SPEN: variants seen among roughly 807,000 people sequenced by gnomAD.
SPEN encodes msx2-interacting protein.
In SPEN, 18 loss-of-function variants were observed where a neutral mutation model predicts 269.9. The observed-to-expected ratio is 0.07, with a 90% confidence interval of 0.05 to 0.10. The LOEUF is 0.10. SPEN is among the 10% of genes least tolerant of loss of function. The probability of loss-of-function intolerance (pLI) is 1.00; values close to 1 mark genes in which losing one functional copy is unlikely to be tolerated. For synonymous variants in SPEN, 1,726 were observed against 1,765.7 expected, an observed-to-expected ratio of 0.98 and a Z score of 0.56; for missense variants, 3,822 against 4,631.2, an observed-to-expected ratio of 0.83 and a Z score of 5.07.
Position 15,938,750 on chromosome 1 carries a change from G to A in SPEN, c.10737G>A (p.Leu3579=). The part of the protein sequence containing the change: ...VETDYCLLLA[L]PCGRDQEDVV... ...CAGATTACTGTCTGCTGCTGGCTCT[G>A]CCCTGTGGCCGTGACCAAGAGGATG... is the stretch of plus-strand genomic sequence containing the variant. Residue 3579 remains leucine, a synonymous_variant, in exon 14 of 15, where the codon CTG becomes CTA. Transcript: ENST00000375759. 2 of 1,613,848 alleles carry A rather than the reference G, an allele frequency of 1.2e-6. No homozygotes were observed. The highest frequency in any genetic ancestry group is 1.1e-5 in the South Asian group (1 of 91,068).
intron 3 of SPEN, among the ~76,000 whole-genome samples, chr1:15,905,262 C>A (rs2070944559): frequency 6.6e-6 from 1 of 151,616 alleles, no homozygotes; most frequent in Admixed American, 6.6e-5. Context: ...GCTGTTGTTG[C>A]CCAGGCTGGA....
chr1:15,919,225 T>C (rs2071093983), intron 7 of SPEN, among the ~76,000 whole-genome samples, 174 bp downstream of exon 7: 1 of 152,214 alleles, frequency 6.6e-6, no homozygotes, highest in East Asian at 1.9e-4. Flanking sequence ...ATCTGATTAA[T>C]ATTCGATTAG....
At position 15,848,067 on chromosome 1, in the gene SPEN, C is replaced by T. The variant is rs144566113; in HGVS notation, c.-1C>T. On this transcript the variant is annotated 5_prime_UTR_variant, in exon 1 of 15. Coordinates refer to ENST00000375759, the MANE Select transcript of SPEN (RefSeq NM_015001.3). This position sits in a 1 kb window ranked among gnomAD's most constrained non-coding sequence, Gnocchi z 5.1. ...CGGCGGTCGCCGGCACGCCGCCCAG[C>T]ATGGTCCGGGAAACCAGGCATCTCT... is the stretch of plus-strand genomic sequence containing the variant. The T allele has an allele frequency of 2.8e-4, 405 of 1,453,598 alleles. No homozygotes were observed. The highest frequency in any genetic ancestry group is 3.5e-4 in the Non-Finnish European group (381 of 1,089,684). The allele number at this position is 1,453,598 out of a possible 1,614,324, so 90.0% of individuals were successfully genotyped here.
chr1:15,899,376 C>T (rs761108958), intron 3 of SPEN, among the ~76,000 whole-genome samples: 62 of 152,040 alleles, frequency 4.1e-4, no homozygotes, highest in Middle Eastern at 3.4e-3. Context: ...GACGGGGTTT[C>T]GCCATGTTGG....
At chr1:15,879,675 A>ATT (rs33987690) in intron 3 of SPEN, among the ~76,000 whole-genome samples, 33 of 147,970 alleles carry the variant, frequency 2.2e-4, no homozygotes, top group Non-Finnish European at 4.2e-4. Context: ...CAGCAGACAA[A>ATT]TTTTTTTTTT....
rs548338876 is a variant in SPEN, at chr1:15,940,342, T to G, written c.*915T>G. 22 of 233,214 alleles carry G rather than the reference T, an allele frequency of 9.4e-5. No individual in the cohort carries two copies. The East Asian group carries it at 1.3e-3, about 13-fold the overall frequency. 14.4% of individuals were successfully genotyped at this position (233,214 alleles called of 1,614,324 possible). ...TGGCTAACCCCTCTTCCTATTACCT[T>G]GATCTCTTCCCCCAACTTCCTAACA... On this transcript the variant is annotated 3_prime_UTR_variant, in exon 15 of 15. Transcript: ENST00000375759.
rs1439004456 is a variant in SPEN at position 15,848,295 on chromosome 1, T to G, written c.83+145T>G. 1 of 428,554 alleles carries G rather than the reference T, an allele frequency of 2.3e-6. No homozygotes were observed. Among genetic ancestry groups the G allele is most frequent in the East Asian group, 4.4e-5 (1 of 22,654 alleles). The allele number at this position is 428,554 out of a possible 1,614,324, so 26.5% of individuals were successfully genotyped here. A position where few individuals can be genotyped will look rare whatever the true frequency, so the allele number is the denominator to read the frequency against. On this transcript the variant is annotated intron_variant, in intron 1 of 14. Transcript: ENST00000375759. This position sits in a 1 kb window ranked among gnomAD's most constrained non-coding sequence, Gnocchi z 5.1. ...GGCGCTGTGGGACCTCGTCAGCCGC[T>G]CGGCCCGCGTCGCGGCGTTGGGCCT...
intron 3 of SPEN, among the ~76,000 whole-genome samples, chr1:15,907,864 C>G (rs1292070901): frequency 6.6e-6 from 1 of 152,102 alleles, no homozygotes; most frequent in Non-Finnish European, 1.5e-5. Flanking sequence ...TATGAACTTG[C>G]ATAGAGAAGT....
intron 3 of SPEN, among the ~76,000 whole-genome samples, chr1:15,879,020 A>G (rs1216111502): frequency 3.2e-4 from 48 of 150,408 alleles, no homozygotes; most frequent in African/African-American, 5.4e-4. Context: ...AAAAAAAAAA[A>G]AAAAGAAAAG....
In SPEN at chr1:15,931,861, A is replaced by G; in HGVS notation, c.5621A>G (p.Lys1874Arg). The stretch of plus-strand genomic sequence containing the variant: ...TTGGAATTGAAGATGGAGGCAGAGA[A>G]GATTACAAGGACTGCTTCTAAAAAC... ...KLLELKMEAE[K>R]ITRTASKNSA... The change falls in exon 11 of 15, where the codon AAG becomes AGG. Residue 1874 changes from lysine to arginine, a missense_variant. By Grantham distance (26) the Lys-to-Arg change is conservative. This residue lies in a region of SPEN where 533 missense variants were observed against 618.8 expected (regional missense o/e 0.86). Transcript: ENST00000375759. The surrounding 1 kb of genome is among the most constrained non-coding windows in gnomAD (Gnocchi z 4.8). The G allele has an allele frequency of 6.2e-7, 1 of 1,614,230 alleles. No individual in the cohort carries two copies. The highest frequency in any genetic ancestry group is 1.7e-5 in the Admixed American group (1 of 60,018).
At chr1:15,859,586 G>T (rs964021601) in intron 1 of SPEN, among the ~76,000 whole-genome samples, 1 of 151,802 alleles carries the variant, frequency 6.6e-6, no homozygotes, top group East Asian at 1.9e-4. Flanking sequence ...AGCCAGGATG[G>T]TCTCTATCTC....
At chr1:15,871,241 T>A (rs1216869163) in intron 1 of SPEN, among the ~76,000 whole-genome samples, 1 of 152,216 alleles carries the variant, frequency 6.6e-6, no homozygotes, top group East Asian at 1.9e-4. Flanking sequence ...GTGCTGGGAT[T>A]TCAGGCTTGA....
chr1:15,871,896 C>T (rs2070580271), intron 1 of SPEN, among the ~76,000 whole-genome samples: 1 of 152,020 alleles, frequency 6.6e-6, no homozygotes. Flanking sequence ...ATCTTAGGTT[C>T]AGTAGTCGTT....
Position 15,921,001 on chromosome 1 carries a change from A to C in SPEN, c.1749+18A>C. ...AAATTAAGGTGTGCAGAATGACTTT[A>C]AACAGAAGCAAAACAAAGTCCTATT... On this transcript the variant is annotated intron_variant, in intron 9 of 14. Transcript: ENST00000375759. 6.7e-7 allele frequency: 1 copy of C among 1,499,206 alleles called. No individual in the cohort carries two copies. Among genetic ancestry groups the C allele is most frequent in the Non-Finnish European group, 9.2e-7 (1 of 1,081,380 alleles). 92.9% of individuals were successfully genotyped at this position (1,499,206 alleles called of 1,614,324 possible).
At chr1:15,860,378 G>GGTGTGTGT (rs60005872) in intron 1 of SPEN, among the ~76,000 whole-genome samples, 2,793 of 121,152 alleles carry the variant, frequency 0.023, 40 homozygotes, top group East Asian at 0.04. Flanking sequence ...TAGCTTCAGA[G>GGTGTGTGT]GTGTGTGTGT....
chr1:15,909,528 A>G (rs2070992074), intron 4 of SPEN, 47 bp downstream of exon 4: 7 of 1,554,298 alleles, frequency 4.5e-6, no homozygotes, highest in African/African-American at 1.4e-5. Flanking sequence ...CTACTGAGGA[A>G]TGAGGTATGA....
intron 6 of SPEN, among the ~76,000 whole-genome samples, chr1:15,918,181 G>A (rs1040020009): frequency 6.6e-6 from 1 of 152,114 alleles, no homozygotes. Context: ...AATTTTAAAG[G>A]TTAAAGAACA....
At chr1:15,861,650 G>A (rs1378384483) in intron 1 of SPEN, among the ~76,000 whole-genome samples, 1 of 151,058 alleles carries the variant, frequency 6.6e-6, no homozygotes, top group Non-Finnish European at 1.5e-5. Context: ...TCTTTTTTTT[G>A]TGGGGGGAGT....
intron 1 of SPEN, among the ~76,000 whole-genome samples, chr1:15,853,858 G>A (rs192298132): frequency 1.1e-4 from 16 of 151,746 alleles, no homozygotes; most frequent in Admixed American, 7.2e-4. Context: ...TAGTAGAGAC[G>A]GGGTTTCACT....
Sources: gnomAD v4.1 joint callset for allele counts (sites outside exome capture counted in the v4.1 genomes callset) on GRCh38, gnomAD v4.1.1 for gene constraint, gnomAD v4.1.1 regional missense constraint, Gnocchi (gnomAD v3.1) non-coding constraint, MANE v1.5 for transcripts, NCBI Gene and HGNC (gene_info 2026-07-23, HGNC 2026-07-21) for gene names.